Variants in CCDC178 observed in about 807,000 individuals in gnomAD.
The protein encoded by CCDC178 is coiled-coil domain-containing protein 178.
A neutral mutation model predicts 117.4 loss-of-function variants in CCDC178; 126 were observed. The ratio of observed to expected loss-of-function variants is 1.07; its 90% CI spans 0.93 to 1.24. The LOEUF (loss-of-function observed/expected upper bound fraction) is 1.24. Among genes scored for constraint, CCDC178 ranks in the 50% most tolerant of loss-of-function variants. The probability of loss-of-function intolerance (pLI) is 0.00; values close to 1 mark genes in which losing one functional copy is unlikely to be tolerated. For synonymous variants in CCDC178, 283 were observed against 313.4 expected (o/e 0.90, Z 1.02); for missense variants, 1,030 against 986.9 (o/e 1.04, Z -0.59).
At chr18:33,440,854 C>G (rs867062270), upstream of CCDC178, 3 of 152,888 alleles carry the variant, frequency 2.0e-5, no homozygotes, top group Admixed American at 6.5e-5. Flanking sequence ...TTTCGGCGCC[C>G]GATCAGCGCT....
chr18:33,242,604 A>C (rs565115637), intron 15 of CCDC178, among the ~76,000 whole-genome samples: 99 of 83,854 alleles, frequency 1.2e-3, no homozygotes, highest in Middle Eastern at 6.0e-3. Flanking sequence ...AATGATCTAA[A>C]CAGATATTTT....
At chr18:33,385,205 G>C (rs9807117) in intron 5 of CCDC178, among the ~76,000 whole-genome samples, 114,331 of 152,124 alleles carry the variant, frequency 0.75, 46,301 homozygotes, top group East Asian at 1. Flanking sequence ...GGAGCACTGA[G>C]ATTCATAAAA....
Position 33,388,545 on chromosome 18 carries a change from A to G in CCDC178, c.208+995T>C, listed in dbSNP as rs1275038337. Among the ~76,000 whole-genome samples the G allele has an allele frequency of 0.014, 12 of 864 alleles. No homozygotes were observed. In the South Asian group the frequency reaches 0.42, roughly 30 times the overall value. The allele number at this position is 864 out of a possible 152,430, so 0.6% of individuals were successfully genotyped here. A position where few individuals can be genotyped will look rare whatever the true frequency, so the allele number is the denominator to read the frequency against. ...TTTTTTTTTTTTTTTTTTGAGACGGAGTCTCGCTCTGTCGCCCAGGCTGGA... is the reference window on the plus strand; with the variant it reads ...TTTTTTTTTTTTTTTTTTGAGACGGGGTCTCGCTCTGTCGCCCAGGCTGGA... On this transcript the variant is annotated intron_variant, in intron 5 of 22. Coordinates refer to ENST00000383096, the MANE Select transcript of CCDC178 (RefSeq NM_001105528.4).
chr18:33,156,964 A>C (rs1246390486), intron 20 of CCDC178, among the ~76,000 whole-genome samples: 2 of 152,210 alleles, frequency 1.3e-5, no homozygotes, highest in Non-Finnish European at 2.9e-5. Flanking sequence ...CTTAGAAAGG[A>C]GGAAGATAGG....
At chr18:33,253,461 A>ATTTGCT (rs1330091827) in intron 14 of CCDC178, among the ~76,000 whole-genome samples, 6 of 151,856 alleles carry the variant, frequency 4.0e-5, no homozygotes, top group Non-Finnish European at 5.9e-5. Flanking sequence ...GAAATCAGTG[A>ATTTGCT]TTTGCTTTTT....
At chr18:33,175,289 C>G (rs1327615988) in intron 20 of CCDC178, among the ~76,000 whole-genome samples, 1 of 152,142 alleles carries the variant, frequency 6.6e-6, no homozygotes, top group Non-Finnish European at 1.5e-5. Flanking sequence ...AAGTCAACCT[C>G]CACCAGAATA....
intron 19 of CCDC178, among the ~76,000 whole-genome samples, 168 bp from the exon 20 acceptor site, chr18:33,212,223 A>G (rs1452913437): frequency 2.0e-5 from 3 of 152,016 alleles, no homozygotes; most frequent in Non-Finnish European, 4.4e-5. Context: ...CCATAGGGCT[A>G]CATCTAAATC....
intron 20 of CCDC178, among the ~76,000 whole-genome samples, chr18:33,140,695 G>T (rs1056487714): frequency 6.6e-6 from 1 of 152,112 alleles, no homozygotes; most frequent in African/African-American, 2.4e-5. Context: ...GAAGGGACTT[G>T]CCTTGTCTCA....
intron 20 of CCDC178, among the ~76,000 whole-genome samples, chr18:33,142,244 G>A (rs916992383): frequency 4.6e-5 from 7 of 152,122 alleles, no homozygotes; most frequent in African/African-American, 1.7e-4. Context: ...TGTCTTGCCT[G>A]CAATGCACAA....
intron 21 of CCDC178, among the ~76,000 whole-genome samples, chr18:33,084,822 AAAG>A (rs1307207852): frequency 5.6e-4 from 85 of 151,950 alleles, no homozygotes; most frequent in African/African-American, 2.0e-3. Flanking sequence ...AAAAAAAAAA[AAAG>A]AAAGAAAGAT....
intron 21 of CCDC178, among the ~76,000 whole-genome samples, chr18:32,988,176 A>C (rs2055308338): frequency 6.6e-6 from 1 of 151,920 alleles, no homozygotes; most frequent in South Asian, 2.1e-4. Context: ...TCACGCCTGT[A>C]ATCCTAGCAC....
At chr18:33,224,993 C>A in intron 16 of CCDC178, 57 bp from the exon 17 acceptor site, 1 of 1,277,370 alleles carries the variant, frequency 7.8e-7, no homozygotes, top group Non-Finnish European at 1.0e-6. Flanking sequence ...ATTTATTGAG[C>A]CTCTTATTCA....
chr18:33,428,153 T>C lies in CCDC178; in HGVS notation c.-23+11809A>G, dbSNP rs1253486430. Among the ~76,000 whole-genome samples, 3 of 152,316 alleles carry C rather than the reference T, an allele frequency of 2.0e-5. No homozygotes were observed. The South Asian group carries it at 6.2e-4, about 32-fold the overall frequency. ...TCAATTCTATTTTTAAGAATGTCAA[T>C]AACTATTTATTGAACACTTCTGCAG... On this transcript the variant is annotated intron_variant, in intron 2 of 22. Transcript: ENST00000383096.
chr18:33,210,747 C>T (rs1011158585), intron 20 of CCDC178, among the ~76,000 whole-genome samples: 2 of 152,014 alleles, frequency 1.3e-5, no homozygotes, highest in African/African-American at 4.8e-5. Context: ...TCGGTTTCAG[C>T]AACTGCTCTA....
rs191021231 is a variant in CCDC178 at position 33,266,893 on chromosome 18, A to T, written c.1409+23T>A. On this transcript the variant is annotated intron_variant, in intron 14 of 22. Coordinates refer to ENST00000383096, the MANE Select transcript of CCDC178 (RefSeq NM_001105528.4). ...AACATATTGGATTATGGTATATAAG[A>T]AGAAAAGTATTTGCAAATTTACCTT... is the stretch of plus-strand genomic sequence containing the variant. The T allele has an allele frequency of 1.1e-5, 16 of 1,511,920 alleles. No homozygotes were observed. In the Admixed American group the frequency reaches 1.3e-4, roughly 12 times the overall value. 93.7% of individuals were successfully genotyped at this position (1,511,920 alleles called of 1,614,324 possible).
At chr18:33,219,063 A>G (rs1019430267) in intron 18 of CCDC178, among the ~76,000 whole-genome samples, 1 of 152,104 alleles carries the variant, frequency 6.6e-6, no homozygotes, top group Non-Finnish European at 1.5e-5. Flanking sequence ...TTTTCACAAT[A>G]CTGATTATTC....
At chr18:33,419,787 T>C (rs1251813461) in intron 2 of CCDC178, among the ~76,000 whole-genome samples, 2 of 152,132 alleles carry the variant, frequency 1.3e-5, no homozygotes, top group Middle Eastern at 3.2e-3. Context: ...AAATAACAGA[T>C]GCTGGTGAGG....
Position 33,282,205 on chromosome 18 carries a change from G to A in CCDC178, c.1176+10954C>T, listed in dbSNP as rs116661405. On this transcript the variant is annotated intron_variant, in intron 12 of 22. Coordinates refer to ENST00000383096, the MANE Select transcript of CCDC178 (RefSeq NM_001105528.4). ...CTCTTGCCACGGGCCTCTGAAACCC[G>A]GCAGGAAGGGACCCCTTGACCACCA... Among the ~76,000 whole-genome samples the A allele has an allele frequency of 7.3e-3, 1,118 of 152,268 alleles. 9 individuals carry two copies. Among genetic ancestry groups the A allele is most frequent in the African/African-American group, 0.026 (1,060 of 41,548 alleles).
chr18:33,117,777 A>C (rs1011359672), intron 20 of CCDC178, among the ~76,000 whole-genome samples: 4 of 151,610 alleles, frequency 2.6e-5, no homozygotes, highest in Admixed American at 2.6e-4. Flanking sequence ...CTTCCCTGCT[A>C]TAAAACACTT....
Sources: allele counts gnomAD v4.1 joint callset (sites outside exome capture counted in the v4.1 genomes callset), GRCh38; gene constraint gnomAD v4.1.1; transcripts MANE v1.5; gene names NCBI Gene and HGNC (gene_info 2026-07-23, HGNC 2026-07-21).